Variants in NUP210 observed in about 807,000 individuals in gnomAD.
NUP210 encodes nuclear pore membrane glycoprotein 210.
Under a neutral mutation model 196.0 loss-of-function variants are expected in NUP210, and 151 were observed. The ratio of observed to expected loss-of-function variants is 0.77; its 90% CI spans 0.67 to 0.88. The LOEUF (loss-of-function observed/expected upper bound fraction) is 0.88. NUP210 is among the 40% of genes least tolerant of loss of function. The probability of loss-of-function intolerance (pLI) is 0.00; values close to 1 mark genes in which losing one functional copy is unlikely to be tolerated. For missense variants in NUP210, 2,314 were observed against 2,493.7 expected, an observed-to-expected ratio of 0.93 and a Z score of 1.53; for synonymous variants, 1,070 against 1,052.7, an observed-to-expected ratio of 1.02 and a Z score of -0.32.
In NUP210 at chr3:13,323,536, G is replaced by T; in HGVS notation, c.4645-104C>A. On this transcript the variant is annotated intron_variant, in intron 33 of 39. Coordinates refer to ENST00000254508, the MANE Select transcript of NUP210 (RefSeq NM_024923.4). This position sits in a 1 kb window ranked among gnomAD's most constrained non-coding sequence, Gnocchi z 4.3. ...TGCAGTCTGTGACATAGTGTCACCC[G>T]TTTCACAGGTGGCAACACTGAGGCT... is the stretch of plus-strand genomic sequence containing the variant. 1 of 1,322,256 alleles carries T rather than the reference G, an allele frequency of 7.6e-7. No homozygotes were observed. Among genetic ancestry groups the T allele is most frequent in the Non-Finnish European group, 1.1e-6 (1 of 950,974 alleles). The allele number at this position is 1,322,256 out of a possible 1,614,324, so 81.9% of individuals were successfully genotyped here. A position where few individuals can be genotyped will look rare whatever the true frequency, so the allele number is the denominator to read the frequency against.
intron 12 of NUP210, 82 bp downstream of exon 12, chr3:13,373,636 T>G (rs1698802194): frequency 4.8e-6 from 7 of 1,448,208 alleles, no homozygotes; most frequent in Non-Finnish European, 5.8e-6. Flanking sequence ...TGTTTCTGAG[T>G]GAAGTCGAGG....
At chr3:13,328,427 GCAT>G (rs1295736475) in intron 31 of NUP210, among the ~76,000 whole-genome samples, 1 of 152,254 alleles carries the variant, frequency 6.6e-6, no homozygotes, top group Non-Finnish European at 1.5e-5. Flanking sequence ...GTCTTTGAAT[GCAT>G]TCAGCAACAG....
intron 5 of NUP210, among the ~76,000 whole-genome samples, chr3:13,387,661 T>C (rs1699319336): frequency 6.6e-6 from 1 of 152,124 alleles, no homozygotes; most frequent in Non-Finnish European, 1.5e-5. Context: ...AACAAAAATA[T>C]CTCAGGGTTG....
In NUP210 at chr3:13,347,192, G is replaced by A. The variant is rs1697773207; in HGVS notation, c.2836-3889C>T. 9 of 985,414 alleles carry A rather than the reference G, an allele frequency of 9.1e-6. No homozygotes were observed. Among genetic ancestry groups the A allele is most frequent in the African/African-American group, 1.7e-5 (1 of 57,348 alleles). The allele number at this position is 985,414 out of a possible 1,614,324, so 61.0% of individuals were successfully genotyped here. On this transcript the variant is annotated intron_variant, in intron 20 of 39. Coordinates refer to ENST00000254508, the MANE Select transcript of NUP210 (RefSeq NM_024923.4). The surrounding 1 kb of genome is among the most constrained non-coding windows in gnomAD (Gnocchi z 4.7). ...CAGGAGATGGAGAGACACAGCTGCG[G>A]CTCACAGGAGCTGGGCCCCCCGGCT...
chr3:13,376,762 GT>G (rs1039808050), intron 9 of NUP210, among the ~76,000 whole-genome samples: 7 of 152,058 alleles, frequency 4.6e-5, no homozygotes, highest in Non-Finnish European at 8.8e-5. Context: ...AGGACATCAC[GT>G]CCCCTACAGC....
chr3:13,347,345 A>C lies in NUP210; in HGVS notation c.2836-4042T>G. On this transcript the variant is annotated intron_variant, in intron 20 of 39. Transcript: ENST00000254508. This position sits in a 1 kb window ranked among gnomAD's most constrained non-coding sequence, Gnocchi z 4.7. ...GCAGGCTCCTTCCCCTGCTCTGGTC[A>C]TCTCATGGGTTCCGCCTAGAGGACT... 1 of 985,252 alleles carries C rather than the reference A, an allele frequency of 1.0e-6. No homozygotes were observed. Among genetic ancestry groups the C allele is most frequent in the Non-Finnish European group, 1.2e-6 (1 of 829,740 alleles). The allele number at this position is 985,252 out of a possible 1,614,324, so 61.0% of individuals were successfully genotyped here.
Position 13,354,005 on chromosome 3 carries a change from A to T in NUP210, c.2431T>A (p.Ser811Thr). The stretch of plus-strand genomic sequence containing the variant: ...ATGCTGGCCAACACTGGCCTGGTGG[A>T]CTCCCACTGGATGCTCAGAGAGCTG... ...NFSSLSIQWE[S>T]TRPVLASIEP... is the part of the protein sequence containing the mutation. The change falls in exon 17 of 40, where the codon TCC becomes ACC. Residue 811 changes from serine (S) to threonine (T), a missense_variant. Ser to Thr is a moderately conservative substitution (Grantham distance 58). Transcript: ENST00000254508. 1 of 1,609,454 alleles carries T rather than the reference A, an allele frequency of 6.2e-7. No homozygotes were observed. The highest frequency in any genetic ancestry group is 8.5e-7 in the Non-Finnish European group (1 of 1,177,978).
chr3:13,322,457 A>T, intron 34 of NUP210, 118 bp from the exon 35 acceptor site: 1 of 1,142,908 alleles, frequency 8.7e-7, no homozygotes, highest in Admixed American at 2.1e-5. Context: ...CATGTCTTCC[A>T]GCAGGGCCCC....
chr3:13,358,514 G>A lies in NUP210; in HGVS notation c.2155-119C>T, dbSNP rs570090954. 63 of 978,102 alleles carry A rather than the reference G, an allele frequency of 6.4e-5. 1 individual carries two copies. In the South Asian group the frequency reaches 1.1e-3, roughly 17 times the overall value. The allele number at this position is 978,102 out of a possible 1,614,324, so 60.6% of individuals were successfully genotyped here. ...GTTTTCTCCTCTATAGGATGGGAGT[G>A]ATGACGATACCCATGCCACAGGGTC... On this transcript the variant is annotated intron_variant, in intron 15 of 39. Transcript: ENST00000254508.
At chr3:13,382,911 G>C (rs953113365) in intron 6 of NUP210, among the ~76,000 whole-genome samples, 22 of 152,160 alleles carry the variant, frequency 1.4e-4, no homozygotes, top group African/African-American at 5.3e-4. Flanking sequence ...TTGGGAAGCT[G>C]AGGTAGGAGG....
intron 16 of NUP210, among the ~76,000 whole-genome samples, chr3:13,354,934 C>T (rs1698118402): frequency 6.6e-6 from 1 of 152,222 alleles, no homozygotes; most frequent in South Asian, 2.1e-4. Flanking sequence ...AGCCTCTTTC[C>T]TGTGGGCTAT....
At chr3:13,418,703 G>A (rs1433404607) in intron 1 of NUP210, among the ~76,000 whole-genome samples, 1 of 151,938 alleles carries the variant, frequency 6.6e-6, no homozygotes, top group African/African-American at 2.4e-5. Context: ...CAGGAGAATC[G>A]CTTGAACCGG....
At chr3:13,325,410 A>G (rs1696707940) in intron 33 of NUP210, among the ~76,000 whole-genome samples, 1 of 152,236 alleles carries the variant, frequency 6.6e-6, no homozygotes, top group Non-Finnish European at 1.5e-5. Context: ...TGAATGGAAG[A>G]GACAGCAGGT....
chr3:13,335,745 C>G, intron 27 of NUP210, 133 bp from the exon 28 acceptor site: 1 of 985,588 alleles, frequency 1.0e-6, no homozygotes, highest in Non-Finnish European at 1.5e-6. Context: ...CTCAAGGGCT[C>G]TGCCTTCCTG....
intron 2 of NUP210, among the ~76,000 whole-genome samples, chr3:13,399,460 C>T (rs1699766844): frequency 6.6e-6 from 1 of 152,030 alleles, no homozygotes; most frequent in Non-Finnish European, 1.5e-5. Flanking sequence ...TGAGTTGCTA[C>T]CCATTAAGAG....
At chr3:13,381,218 T>C (rs1357565655) in intron 6 of NUP210, among the ~76,000 whole-genome samples, 2 of 152,248 alleles carry the variant, frequency 1.3e-5, no homozygotes, top group Non-Finnish European at 2.9e-5. Context: ...TTTATACTGA[T>C]TAATGAAGCA....
intron 37 of NUP210, among the ~76,000 whole-genome samples, 197 bp downstream of exon 37, chr3:13,319,566 A>G (rs1039618693): frequency 6.6e-6 from 1 of 152,192 alleles, no homozygotes; most frequent in African/African-American, 2.4e-5. Context: ...TGTGGCTGCC[A>G]TGTTGAGAAC....
rs1699046743 is a variant in NUP210, at chr3:13,379,826, C to G, written c.818-105G>C. 1.2e-6 allele frequency: 1 copy of G among 864,580 alleles called. No individual in the cohort carries two copies. Among genetic ancestry groups the G allele is most frequent in the Non-Finnish European group, 1.7e-6 (1 of 579,066 alleles). 53.6% of individuals were successfully genotyped at this position (864,580 alleles called of 1,614,324 possible). On this transcript the variant is annotated intron_variant, in intron 6 of 39. Transcript: ENST00000254508. This position sits in a 1 kb window ranked among gnomAD's most constrained non-coding sequence, Gnocchi z 4.2. ...CCACCCCGAATCTCTGCACTCTGCTCTCAGTACAGCTGACGCATTTTCTTA... is the reference window on the plus strand; with the variant it reads ...CCACCCCGAATCTCTGCACTCTGCTGTCAGTACAGCTGACGCATTTTCTTA...
intron 37 of NUP210, among the ~76,000 whole-genome samples, 188 bp downstream of exon 37, chr3:13,319,575 A>G (rs931127876): frequency 1.2e-4 from 19 of 152,176 alleles, no homozygotes; most frequent in African/African-American, 3.9e-4. Flanking sequence ...CATGTTGAGA[A>G]CAGATGGGAA....
Sources: allele counts gnomAD v4.1 joint callset (sites outside exome capture counted in the v4.1 genomes callset), GRCh38; gene constraint gnomAD v4.1.1; non-coding constraint Gnocchi (gnomAD v3.1); transcripts MANE v1.5; gene names NCBI Gene and HGNC (gene_info 2026-07-23, HGNC 2026-07-21).